ZMYND11: variants seen among roughly 807,000 people sequenced by gnomAD.
ZMYND11 encodes the protein zinc finger MYND domain-containing protein 11.
A neutral mutation model predicts 84.9 loss-of-function variants in ZMYND11; 9 were observed. That is an observed-to-expected ratio of 0.11 (90% CI 0.06 to 0.18). ZMYND11 has a LOEUF of 0.18. Ranked by LOEUF, ZMYND11 falls within the 10% of genes least tolerant of loss-of-function variation. ZMYND11 has a pLI of 1.00. For missense variants in ZMYND11, 409 were observed against 761.0 expected, an observed-to-expected ratio of 0.54 and a Z score of 5.44; for synonymous variants, 250 against 244.1, an observed-to-expected ratio of 1.02 and a Z score of -0.23.
chr10:241,108 G>GA lies in ZMYND11; in HGVS notation c.831+145dup. ...ATGGGTTTAATGAGTATAAACAACTGAAAAAAAGTAACAGGGCTTGTTATC... is the reference window on the plus strand; with the variant it reads ...ATGGGTTTAATGAGTATAAACAACTGAAAAAAAAGTAACAGGGCTTGTTATC... On this transcript the variant is annotated intron_variant, in intron 9 of 14. Coordinates refer to ENST00000381604, the MANE Select transcript of ZMYND11 (RefSeq NM_001370100.5). 7.1e-6 allele frequency: 4 copies of GA among 562,318 alleles called. No individual in the cohort carries two copies. The South Asian group carries it at 1.1e-4, about 16-fold the overall frequency. The allele number at this position is 562,318 out of a possible 1,614,324, so 34.8% of individuals were successfully genotyped here.
chr10:150,265 TATTA>T (rs1227028340), intron 1 of ZMYND11, among the ~76,000 whole-genome samples: 2 of 152,178 alleles, frequency 1.3e-5, no homozygotes, highest in Admixed American at 6.5e-5. Context: ...GTTGGTAAGC[TATTA>T]ATTATTGCCT....
At chr10:142,161 C>T (rs181816129) in intron 1 of ZMYND11, among the ~76,000 whole-genome samples, 8 of 152,212 alleles carry the variant, frequency 5.3e-5, no homozygotes, top group African/African-American at 1.7e-4. Context: ...AGCACAGTGG[C>T]GAGAACTCTG....
intron 2 of ZMYND11, among the ~76,000 whole-genome samples, chr10:205,311 CTGTAGCATTTTTTTGTA>C (rs1943929172): frequency 6.6e-6 from 1 of 152,126 alleles, no homozygotes; most frequent in Non-Finnish European, 1.5e-5. Context: ...AGCTGTCTCC[CTGTAGCATTTTTTTGTA>C]TGTTTGTGCT....
intron 4 of ZMYND11, among the ~76,000 whole-genome samples, chr10:222,015 C>T (rs1378897388): frequency 1.3e-5 from 2 of 151,864 alleles, no homozygotes; most frequent in African/African-American, 2.4e-5. Context: ...TGTGTGTATA[C>T]GAGTGATATG....
chr10:155,652 A>T (rs943943645), intron 1 of ZMYND11, among the ~76,000 whole-genome samples: 2 of 152,234 alleles, frequency 1.3e-5, no homozygotes, highest in African/African-American at 2.4e-5. Flanking sequence ...GTAATTTTTT[A>T]AAAAGCAAAT....
chr10:226,227 C>T (rs1948099582), intron 4 of ZMYND11, among the ~76,000 whole-genome samples: 1 of 152,176 alleles, frequency 6.6e-6, no homozygotes, highest in African/African-American at 2.4e-5. Context: ...CACCCTTCCT[C>T]TCCCTAGTAT....
At chr10:204,572 CAACTTTTAT>C (rs1164212830) in intron 2 of ZMYND11, among the ~76,000 whole-genome samples, 1 of 152,096 alleles carries the variant, frequency 6.6e-6, no homozygotes, top group African/African-American at 2.4e-5. Flanking sequence ...AACTCCTTAT[CAACTTTTAT>C]AACTAGTCCA....
At chr10:153,867 A>G (rs1841014284) in intron 1 of ZMYND11, among the ~76,000 whole-genome samples, 1 of 152,232 alleles carries the variant, frequency 6.6e-6, no homozygotes, top group Admixed American at 6.5e-5. Context: ...CAAATATTAA[A>G]AAATTTCTTT....
intron 2 of ZMYND11, among the ~76,000 whole-genome samples, chr10:185,840 A>C (rs1938237464): frequency 1.3e-5 from 2 of 151,774 alleles, no homozygotes; most frequent in East Asian, 3.9e-4. Flanking sequence ...AAAAAAACAA[A>C]AAAAAAGACG....
chr10:183,933 A>G (rs542985904), intron 2 of ZMYND11, among the ~76,000 whole-genome samples: 79 of 152,232 alleles, frequency 5.2e-4, no homozygotes, highest in African/African-American at 1.7e-3. Flanking sequence ...TTTTAGTTTT[A>G]AAATGTATTT....
chr10:169,898 G>C (rs1844884506), intron 1 of ZMYND11, among the ~76,000 whole-genome samples: 1 of 152,106 alleles, frequency 6.6e-6, no homozygotes. Context: ...AAAAATGCTT[G>C]ACAATTTCAC....
chr10:147,003 C>G (rs550544059), intron 1 of ZMYND11, among the ~76,000 whole-genome samples: 2 of 152,214 alleles, frequency 1.3e-5, no homozygotes, highest in South Asian at 2.1e-4. Context: ...TACCCAGTCT[C>G]GAGTATGTCT....
At chr10:240,817 T>G in intron 8 of ZMYND11, 76 bp from the exon 9 acceptor site, 1 of 1,083,704 alleles carries the variant, frequency 9.2e-7, no homozygotes, top group Non-Finnish European at 1.3e-6. Flanking sequence ...AATGTTAATT[T>G]ACATGGATAC....
chr10:163,336 A>G (rs1439579837), intron 1 of ZMYND11, among the ~76,000 whole-genome samples: 1 of 151,832 alleles, frequency 6.6e-6, no homozygotes, highest in Non-Finnish European at 1.5e-5. Flanking sequence ...GGCCCTTTCT[A>G]TTTGCAAATG....
chr10:182,496 C>T (rs1044251286), intron 2 of ZMYND11, among the ~76,000 whole-genome samples: 1 of 141,118 alleles, frequency 7.1e-6, no homozygotes, highest in Non-Finnish European at 1.6e-5. Context: ...TTATTAGTCT[C>T]ATCTAAAGAT....
chr10:155,125 A>T lies in ZMYND11; in HGVS notation c.-20+19566A>T, dbSNP rs562393914. ...TTTATTTATTTTCAGAAAGCATCTC[A>T]TATGGTTAAAAAGAAATTCAGATTT... On this transcript the variant is annotated intron_variant, in intron 1 of 14. Coordinates refer to ENST00000381604, the MANE Select transcript of ZMYND11 (RefSeq NM_001370100.5). Among the ~76,000 whole-genome samples the T allele has an allele frequency of 2.0e-5, 3 of 152,292 alleles. No homozygotes were observed. In the East Asian group the frequency reaches 5.8e-4, roughly 29 times the overall value.
rs976332029 is a variant in ZMYND11, at chr10:141,334, G to A, written c.-20+5775G>A. On this transcript the variant is annotated intron_variant, in intron 1 of 14. Transcript: ENST00000381604. ...ATGCCGAGGCGAGCAAGATGAGGGA[G>A]GGTTCTTGCCATTGTAGAGTTTTCA... Among the ~76,000 whole-genome samples the A allele has an allele frequency of 4.6e-5, 7 of 152,114 alleles. No homozygotes were observed. The East Asian group carries it at 1.2e-3, about 25-fold the overall frequency.
At chr10:192,570 G>C (rs893327088) in intron 2 of ZMYND11, among the ~76,000 whole-genome samples, 5 of 152,168 alleles carry the variant, frequency 3.3e-5, no homozygotes, top group Admixed American at 3.3e-4. Flanking sequence ...GAATTTGTTG[G>C]TCTGTCTGTC....
In ZMYND11 at chr10:143,055, A is replaced by G. The variant is rs182143929; in HGVS notation, c.-20+7496A>G. ...CACTAAAGTATTCTTGCTGTCTTGG[A>G]AAGGGAAGTCATTGTCTTGAGGAAT... is the stretch of plus-strand genomic sequence containing the variant. On this transcript the variant is annotated intron_variant, in intron 1 of 14. Transcript: ENST00000381604. Among the ~76,000 whole-genome samples the G allele has an allele frequency of 4.5e-3, 685 of 152,344 alleles. 4 individuals are homozygous for G. Among genetic ancestry groups the G allele is most frequent in the African/African-American group, 0.016 (661 of 41,584 alleles).
Sources: allele counts gnomAD v4.1 joint callset (sites outside exome capture counted in the v4.1 genomes callset), GRCh38; gene constraint gnomAD v4.1.1; transcripts MANE v1.5; gene names NCBI Gene and HGNC (gene_info 2026-07-23, HGNC 2026-07-21).